The following TRPM7 variants were observed in gnomAD, a reference collection of about 807,000 sequenced individuals.
TRPM7 encodes transient receptor potential cation channel subfamily M member 7.
Under a neutral mutation model 229.7 loss-of-function variants are expected in TRPM7, and 134 were observed. The ratio of observed to expected loss-of-function variants is 0.58; its 90% CI spans 0.51 to 0.67. TRPM7 has a LOEUF of 0.67. Among genes scored for constraint, TRPM7 ranks in the 30% least tolerant of loss-of-function variants. TRPM7 has a pLI of 0.00. For missense variants in TRPM7, 1,901 were observed against 2,210.0 expected, an observed-to-expected ratio of 0.86 and a Z score of 2.80; for synonymous variants, 699 against 715.2, an observed-to-expected ratio of 0.98 and a Z score of 0.36.
intron 1 of TRPM7, among the ~76,000 whole-genome samples, chr15:50,676,429 A>C (rs536305243): frequency 6.6e-6 from 1 of 152,074 alleles, no homozygotes; most frequent in Non-Finnish European, 1.5e-5. Flanking sequence ...GACAAAAGAT[A>C]AAAAAGAGGC....
intron 1 of TRPM7, among the ~76,000 whole-genome samples, chr15:50,678,249 AAACAAAAAC>A (rs2062144163): frequency 1.6e-5 from 2 of 125,628 alleles, no homozygotes; most frequent in African/African-American, 3.0e-5. Flanking sequence ...CAAAAAAAAA[AAACAAAAAC>A]AAAAACAAAA....
chr15:50,611,097 T>C lies in TRPM7; in HGVS notation c.2276A>G (p.Tyr759Cys). 1 of 1,608,570 alleles carries C rather than the reference T, an allele frequency of 6.2e-7. No individual in the cohort carries two copies. Among genetic ancestry groups the C allele is most frequent in the Non-Finnish European group, 8.5e-7 (1 of 1,175,174 alleles). Residue 759 changes from tyrosine to cysteine, a missense_variant, in exon 17 of 39, where the codon TAC becomes TGC. Tyr to Cys is a radical substitution (Grantham distance 194). This residue lies in a region of TRPM7 where 14 missense variants were observed against 16.3 expected (regional missense o/e 0.86). Coordinates refer to ENST00000646667, the MANE Select transcript of TRPM7 (RefSeq NM_017672.6). ...CAAATTATTTCTAAAGTATACCTTG[T>C]ACCAGGAATTTTTCCTCATATTCAG... ...GRLNMRKNSW[Y>C]KVILSILVPP...
intron 27 of TRPM7, among the ~76,000 whole-genome samples, chr15:50,589,152 T>C (rs1217544878): frequency 6.6e-6 from 1 of 151,992 alleles, no homozygotes; most frequent in Non-Finnish European, 1.5e-5. Flanking sequence ...TAAAACCTCA[T>C]CTCTACTAAA....
At position 50,609,646 on chromosome 15, in the gene TRPM7, G is replaced by T; in HGVS notation, c.2515C>A (p.Leu839Ile). The T allele has an allele frequency of 6.2e-7, 1 of 1,612,292 alleles. No homozygotes were observed. Among genetic ancestry groups the T allele is most frequent in the Non-Finnish European group, 8.5e-7 (1 of 1,179,254 alleles). ...GCATAAAACTTTCGCGTAATTGGAA[G>T]CTTTTTTGATTTCATTTGTATCTCC... ...EMEIQMKSKK[L>I]PITRKFYAFY... The change falls in exon 19 of 39, where the codon CTT (leucine) becomes ATT (isoleucine). Residue 839 changes from leucine (L) to isoleucine (I), a missense_variant. Around this residue, in one of 8 missense-constraint regions of TRPM7, gnomAD observed 207 missense variants for 241.5 expected, o/e 0.86. Transcript: ENST00000646667.
At chr15:50,613,626 GTTTT>G (rs1203002529) in intron 15 of TRPM7, 77 bp downstream of exon 15, 6 of 1,229,388 alleles carry the variant, frequency 4.9e-6, no homozygotes, top group Non-Finnish European at 6.4e-6. Flanking sequence ...AAATCAATTA[GTTTT>G]TTTTGTTTAA....
chr15:50,559,590 T>C lies in TRPM7; in HGVS notation c.*2088A>G, dbSNP rs1256288882. On this transcript the variant is annotated 3_prime_UTR_variant, in exon 39 of 39. Coordinates refer to ENST00000646667, the MANE Select transcript of TRPM7 (RefSeq NM_017672.6). ...GTTCAAATCCTACCGTTGCTACTTA[T>C]TATTAAATAAACGTAAGAATCTTAT... The C allele has an allele frequency of 1.3e-5, 2 of 152,182 alleles. No homozygotes were observed. 9.4% of individuals were successfully genotyped at this position (152,182 alleles called of 1,614,324 possible).
At position 50,609,847 on chromosome 15, in the gene TRPM7, T is replaced by C. The variant is rs759457733; in HGVS notation, c.2395A>G (p.Ser799Gly). The change falls in exon 18 of 39, where the codon AGC becomes GGC. Residue 799 changes from serine to glycine, a missense_variant. Physicochemically the swap from Ser to Gly is moderately conservative, Grantham distance 56. Coordinates refer to ENST00000646667, the MANE Select transcript of TRPM7 (RefSeq NM_017672.6). ...GTTATGTTCTGAAAGTTGTTTTCGC[T>C]GTCATCCATTGTCATCTGATGAGCA... ...QDAHQMTMDDSENNFQNITEE... is the reference protein window; with the variant it reads ...QDAHQMTMDDGENNFQNITEE... 2.5e-6 allele frequency: 4 copies of C among 1,613,128 alleles called. No individual in the cohort carries two copies. The East Asian group carries it at 8.9e-5, about 36-fold the overall frequency.
chr15:50,614,009 T>C (rs2060142322), intron 14 of TRPM7, 114 bp downstream of exon 14: 1 of 1,355,286 alleles, frequency 7.4e-7, no homozygotes, highest in East Asian at 2.3e-5. Flanking sequence ...TAGTTGAAAA[T>C]GTTCAACTTT....
chr15:50,670,488 CATT>C (rs769416492), intron 1 of TRPM7, among the ~76,000 whole-genome samples: 1 of 152,136 alleles, frequency 6.6e-6, no homozygotes, highest in Non-Finnish European at 1.5e-5. Flanking sequence ...CCTCACTGCT[CATT>C]ATATGCTAAT....
At chr15:50,663,642 G>A (rs1201384141) in intron 1 of TRPM7, among the ~76,000 whole-genome samples, 2 of 152,054 alleles carry the variant, frequency 1.3e-5, no homozygotes, top group African/African-American at 4.8e-5. Context: ...CCTTAAGAGG[G>A]GCTGGTATTA....
intron 13 of TRPM7, among the ~76,000 whole-genome samples, chr15:50,615,883 C>T (rs557110286): frequency 6.6e-6 from 1 of 151,874 alleles, no homozygotes; most frequent in Non-Finnish European, 1.5e-5. Context: ...GCAACAAAGG[C>T]GAAACTCCGT....
In TRPM7 at chr15:50,643,479, T is replaced by G. The variant is rs759826715; in HGVS notation, c.396A>C (p.Leu132Phe). ...CATGTACAGAGATAACAAGTTTGGG[T>G]AACTCCATTTGCCATTCTTTAAGCA... ...QLLLKEWQMELPKLVISVHGG... is the reference protein window; with the variant it reads ...QLLLKEWQMEFPKLVISVHGG... Residue 132 changes from leucine (L) to phenylalanine (F), a missense_variant, in exon 5 of 39, where the codon TTA becomes TTC. Transcript: ENST00000646667. 1 of 1,614,180 alleles carries G rather than the reference T, an allele frequency of 6.2e-7. No homozygotes were observed. The highest frequency in any genetic ancestry group is 1.1e-5 in the South Asian group (1 of 91,082).
At chr15:50,667,155 T>G (rs2061904099) in intron 1 of TRPM7, among the ~76,000 whole-genome samples, 1 of 152,188 alleles carries the variant, frequency 6.6e-6, no homozygotes, top group East Asian at 1.9e-4. Context: ...ATGGCAGTTA[T>G]GGGGAAATAC....
intron 38 of TRPM7, among the ~76,000 whole-genome samples, chr15:50,567,303 A>C (rs2053644070): frequency 6.6e-6 from 1 of 152,054 alleles, no homozygotes; most frequent in Non-Finnish European, 1.5e-5. Context: ...CATTAGGTAT[A>C]TCTCCCAATG....
chr15:50,572,711 T>C (rs1218330114), intron 36 of TRPM7, among the ~76,000 whole-genome samples: 1 of 152,218 alleles, frequency 6.6e-6, no homozygotes, highest in African/African-American at 2.4e-5. Flanking sequence ...TACACCACCA[T>C]AATCATTTTT....
At chr15:50,617,980 C>T (rs1371406170) in intron 13 of TRPM7, among the ~76,000 whole-genome samples, 1 of 151,994 alleles carries the variant, frequency 6.6e-6, no homozygotes, top group Non-Finnish European at 1.5e-5. Flanking sequence ...TAATAATGCA[C>T]TCATACTTAG....
chr15:50,588,828 C>A (rs1189685226), intron 27 of TRPM7, among the ~76,000 whole-genome samples: 1 of 152,176 alleles, frequency 6.6e-6, no homozygotes, highest in East Asian at 1.9e-4. Flanking sequence ...TTTTTGCCAG[C>A]TGTTCTACAT....
intron 1 of TRPM7, among the ~76,000 whole-genome samples, chr15:50,684,867 G>A (rs1256713181): frequency 6.6e-6 from 1 of 152,152 alleles, no homozygotes; most frequent in Non-Finnish European, 1.5e-5. Flanking sequence ...TTTGTAACCT[G>A]ATTCTAACAA....
intron 1 of TRPM7, among the ~76,000 whole-genome samples, chr15:50,665,603 GAAT>G (rs1041799578): frequency 3.1e-4 from 47 of 152,222 alleles, no homozygotes; most frequent in African/African-American, 9.6e-4. Context: ...TCTTAGAAGT[GAAT>G]AATAGTGAAA....
Sources: gnomAD v4.1 joint callset for allele counts (sites outside exome capture counted in the v4.1 genomes callset) on GRCh38, gnomAD v4.1.1 for gene constraint, gnomAD v4.1.1 regional missense constraint, MANE v1.5 for transcripts, NCBI Gene and HGNC (gene_info 2026-07-23, HGNC 2026-07-21) for gene names.